The following PCBP3 variants were observed in gnomAD, a reference collection of about 807,000 sequenced individuals.
PCBP3 encodes poly(rC)-binding protein 3.
Under a neutral mutation model 52.7 loss-of-function variants are expected in PCBP3, and 25 were observed. That is an observed-to-expected ratio of 0.47 (90% CI 0.35 to 0.66). The LOEUF (loss-of-function observed/expected upper bound fraction) is 0.66, where lower values mean the gene tolerates loss of function less well. PCBP3 is among the 30% of genes least tolerant of loss of function. The probability of loss-of-function intolerance (pLI) is 0.01; values close to 1 mark genes in which losing one functional copy is unlikely to be tolerated. For synonymous variants in PCBP3, 162 were observed against 183.0 expected (o/e 0.89, Z 0.93); for missense variants, 391 against 490.3 (o/e 0.80, Z 1.91).
At chr21:45,716,074 C>T (rs1434132427) in intron 2 of PCBP3, among the ~76,000 whole-genome samples, 5 of 152,030 alleles carry the variant, frequency 3.3e-5, no homozygotes, top group South Asian at 4.1e-4. Context: ...ATATTTTTCA[C>T]GTTTTATTCT....
At chr21:45,835,005 G>T (rs1029674667) in intron 4 of PCBP3, among the ~76,000 whole-genome samples, 3 of 152,248 alleles carry the variant, frequency 2.0e-5, no homozygotes, top group Non-Finnish European at 4.4e-5. Context: ...ACTGAATGAC[G>T]CGGGCAGCTT....
At position 45,724,664 on chromosome 21, in the gene PCBP3, G is replaced by A. The variant is rs530008343; in HGVS notation, c.-199-10728G>A. On this transcript the variant is annotated intron_variant, in intron 2 of 17. Coordinates refer to ENST00000681687, the MANE Select transcript of PCBP3 (RefSeq NM_001384156.1). This position sits in a 1 kb window ranked among gnomAD's most constrained non-coding sequence, Gnocchi z 5.3. ...CGTGTAGATTTGTGGGCAGTGATGG[G>A]GAACAGCAAGGGTGGGGTGCCTCGG... is the stretch of plus-strand genomic sequence containing the variant. Among the ~76,000 whole-genome samples, 2 of 151,464 alleles carry A rather than the reference G, an allele frequency of 1.3e-5. No homozygotes were observed. Among genetic ancestry groups the A allele is most frequent in the Non-Finnish European group, 2.9e-5 (2 of 67,842 alleles).
At chr21:45,799,924 G>A (rs1197525554) in intron 4 of PCBP3, among the ~76,000 whole-genome samples, 1 of 152,220 alleles carries the variant, frequency 6.6e-6, no homozygotes, top group Non-Finnish European at 1.5e-5. Context: ...GCGGGCAGAG[G>A]CTGTGCTAGC....
intron 1 of PCBP3, among the ~76,000 whole-genome samples, chr21:45,653,433 A>G (rs1230390835): frequency 6.6e-6 from 1 of 152,116 alleles, no homozygotes; most frequent in Admixed American, 6.5e-5. Flanking sequence ...ATTTAAAACT[A>G]TTAGGTCTTC....
chr21:45,940,782 C>CGCCAGGCACACTGTACCACCAGCCCCCCA (rs1556413999), intron 17 of PCBP3, among the ~76,000 whole-genome samples: 44,353 of 128,464 alleles, frequency 0.35, 9,354 homozygotes, highest in African/African-American at 0.5. Context: ...CCACCAGCCC[C>CGCCAGGCACACTGTACCACCAGCCCCCCA]GCCAGGCACA....
intron 4 of PCBP3, among the ~76,000 whole-genome samples, chr21:45,803,635 T>A (rs1288666948): frequency 6.6e-6 from 1 of 152,216 alleles, no homozygotes; most frequent in African/African-American, 2.4e-5. Flanking sequence ...TGTGCTGAGC[T>A]GCCCTGCACA....
At position 45,928,208 on chromosome 21, in the gene PCBP3, G is replaced by C. The variant is rs1014321452; in HGVS notation, c.718-1709G>C. 6.6e-6 allele frequency among the ~76,000 whole-genome samples: 1 copy of C among 152,172 alleles called. No homozygotes were observed. Among genetic ancestry groups the C allele is most frequent in the Non-Finnish European group, 1.5e-5 (1 of 68,016 alleles). On this transcript the variant is annotated intron_variant, in intron 13 of 17. Transcript: ENST00000681687. The surrounding 1 kb of genome is among the most constrained non-coding windows in gnomAD (Gnocchi z 4.1). ...CCGGTGACTTCAGCTGGTGTCCTTG[G>C]GACAGGATGTCCCCCACAAGCTCTC...
chr21:45,758,315 G>T (rs1023272770), intron 4 of PCBP3, among the ~76,000 whole-genome samples: 2 of 152,110 alleles, frequency 1.3e-5, no homozygotes, highest in Non-Finnish European at 2.9e-5. Flanking sequence ...TGCATTCCAT[G>T]TGAATTTTAG....
chr21:45,909,322 G>A, intron 9 of PCBP3, 33 bp from the exon 10 acceptor site: 3 of 1,603,756 alleles, frequency 1.9e-6, no homozygotes, highest in Non-Finnish European at 2.6e-6. Flanking sequence ...CACGACGCCT[G>A]AAGTGCTGCC....
At chr21:45,675,792 A>C (rs2081427463) in intron 2 of PCBP3, among the ~76,000 whole-genome samples, 1 of 152,152 alleles carries the variant, frequency 6.6e-6, no homozygotes, top group Non-Finnish European at 1.5e-5. Flanking sequence ...GGACATTTGC[A>C]CTGATGGTGT....
intron 5 of PCBP3, among the ~76,000 whole-genome samples, chr21:45,878,089 G>C (rs1393834263): frequency 6.6e-6 from 1 of 152,258 alleles, no homozygotes; most frequent in Non-Finnish European, 1.5e-5. Context: ...AGCTCCTGCT[G>C]GTTGGCATTT....
intron 2 of PCBP3, among the ~76,000 whole-genome samples, chr21:45,692,798 G>A (rs1222422565): frequency 1.3e-5 from 2 of 151,966 alleles, no homozygotes; most frequent in Admixed American, 6.6e-5. Context: ...AAGAATATCC[G>A]GATACCAAAA....
chr21:45,876,959 G>C (rs754098743), intron 5 of PCBP3, among the ~76,000 whole-genome samples: 19 of 152,234 alleles, frequency 1.2e-4, no homozygotes, highest in Admixed American at 8.5e-4. Flanking sequence ...GCAAGCAGTG[G>C]CACACAGGAG....
At chr21:45,803,632 A>G (rs1453369648) in intron 4 of PCBP3, among the ~76,000 whole-genome samples, 2 of 152,194 alleles carry the variant, frequency 1.3e-5, no homozygotes, top group African/African-American at 2.4e-5. Flanking sequence ...AGGTGTGCTG[A>G]GCTGCCCTGC....
chr21:45,926,663 C>T (rs1427242430), intron 13 of PCBP3, among the ~76,000 whole-genome samples: 3 of 152,178 alleles, frequency 2.0e-5, no homozygotes, highest in Non-Finnish European at 2.9e-5. Flanking sequence ...AGTGCCAGGA[C>T]GGTGGGTCAA....
chr21:45,689,444 A>C (rs2082337016), intron 2 of PCBP3, among the ~76,000 whole-genome samples: 1 of 152,100 alleles, frequency 6.6e-6, no homozygotes, highest in African/African-American at 2.4e-5. Flanking sequence ...TCAAGCTAAC[A>C]GGTGGATTTA....
At chr21:45,932,279 G>A (rs545994029) in intron 15 of PCBP3, among the ~76,000 whole-genome samples, 9 of 150,534 alleles carry the variant, frequency 6.0e-5, no homozygotes, top group East Asian at 4.0e-4. Context: ...GGTCCATGCC[G>A]TCATGAGATG....
intron 4 of PCBP3, among the ~76,000 whole-genome samples, chr21:45,759,550 T>A (rs2088414662): frequency 6.6e-6 from 1 of 152,216 alleles, no homozygotes; most frequent in South Asian, 2.1e-4. Flanking sequence ...TCACCTTCCT[T>A]CTCTGGTTTT....
At position 45,821,921 on chromosome 21, in the gene PCBP3, G is replaced by A. The variant is rs958655791; in HGVS notation, c.-125-28040G>A. Among the ~76,000 whole-genome samples the A allele has an allele frequency of 2.0e-5, 3 of 152,144 alleles. No individual in the cohort carries two copies. Among genetic ancestry groups the A allele is most frequent in the Non-Finnish European group, 2.9e-5 (2 of 68,012 alleles). On this transcript the variant is annotated intron_variant, in intron 4 of 17. Coordinates refer to ENST00000681687, the MANE Select transcript of PCBP3 (RefSeq NM_001384156.1). This position sits in a 1 kb window ranked among gnomAD's most constrained non-coding sequence, Gnocchi z 4.4. ...GGGTGCATTGTCACTCGGCGTTTCC[G>A]ACACCTGCTCTCATCATTTTCCTAC... is the stretch of plus-strand genomic sequence containing the variant.
Sources: gnomAD v4.1 joint callset for allele counts (sites outside exome capture counted in the v4.1 genomes callset) on GRCh38, gnomAD v4.1.1 for gene constraint, Gnocchi (gnomAD v3.1) non-coding constraint, MANE v1.5 for transcripts, NCBI Gene and HGNC (gene_info 2026-07-23, HGNC 2026-07-21) for gene names.